Variants in FMNL2 observed in about 807,000 individuals in gnomAD.
The protein encoded by FMNL2 is formin like 2.
A neutral mutation model predicts 130.2 loss-of-function variants in FMNL2; 51 were observed. That is an observed-to-expected ratio of 0.39 (90% CI 0.31 to 0.49). The LOEUF (loss-of-function observed/expected upper bound fraction) is 0.49. Ranked by LOEUF, FMNL2 falls within the 20% of genes least tolerant of loss-of-function variation. The pLI, the probability that FMNL2 is intolerant of heterozygous loss-of-function variation, is 0.85. For synonymous variants in FMNL2, 465 were observed against 467.1 expected (o/e 1.00, Z 0.06); for missense variants, 977 against 1,316.2 (o/e 0.74, Z 3.99).
At chr2:152,360,059 A>G (rs1054503024) in intron 1 of FMNL2, among the ~76,000 whole-genome samples, 5 of 152,210 alleles carry the variant, frequency 3.3e-5, no homozygotes, top group African/African-American at 7.2e-5. Flanking sequence ...TGTAAACCAC[A>G]AAGGATGGCT....
chr2:152,494,573 C>G (rs1349519264), intron 1 of FMNL2, among the ~76,000 whole-genome samples: 1 of 152,158 alleles, frequency 6.6e-6, no homozygotes, highest in Non-Finnish European at 1.5e-5. Flanking sequence ...GAGTTTCTCT[C>G]CTTCCAGAGA....
At chr2:152,546,844 C>T (rs933837636) in intron 3 of FMNL2, among the ~76,000 whole-genome samples, 3 of 152,090 alleles carry the variant, frequency 2.0e-5, no homozygotes, top group African/African-American at 7.2e-5. Flanking sequence ...CTGCTCCATT[C>T]TACTGACTCT....
At chr2:152,580,251 T>C (rs554195870) in intron 8 of FMNL2, among the ~76,000 whole-genome samples, 2 of 152,350 alleles carry the variant, frequency 1.3e-5, no homozygotes, top group South Asian at 4.1e-4. Flanking sequence ...GTCTTATGAT[T>C]GAAGAAACAA....
At chr2:152,574,434 C>CAAAA (rs57776446) in intron 6 of FMNL2, among the ~76,000 whole-genome samples, 28 of 106,856 alleles carry the variant, frequency 2.6e-4, no homozygotes, top group African/African-American at 7.8e-4. Flanking sequence ...GACTCTGTCT[C>CAAAA]AAAAAAAAAA....
intron 21 of FMNL2, among the ~76,000 whole-genome samples, chr2:152,633,555 G>A (rs563507379): frequency 6.6e-6 from 1 of 152,284 alleles, no homozygotes; most frequent in East Asian, 1.9e-4. Context: ...AAGCTGTGGT[G>A]GAGACTGAGA....
At chr2:152,405,396 C>T (rs1377012147) in intron 1 of FMNL2, among the ~76,000 whole-genome samples, 1 of 152,194 alleles carries the variant, frequency 6.6e-6, no homozygotes, top group African/African-American at 2.4e-5. Context: ...CAGAATGACT[C>T]ATGTCCCCAA....
At chr2:152,399,914 G>A (rs1685595107) in intron 1 of FMNL2, among the ~76,000 whole-genome samples, 1 of 152,186 alleles carries the variant, frequency 6.6e-6, no homozygotes, top group Non-Finnish European at 1.5e-5. Context: ...AGGTGGGGAG[G>A]AAGTGGAATG....
chr2:152,605,929 T>C (rs1040565716), intron 9 of FMNL2, among the ~76,000 whole-genome samples: 14 of 152,314 alleles, frequency 9.2e-5, no homozygotes, highest in African/African-American at 2.9e-4. Flanking sequence ...AAGTCATTCA[T>C]CGTTTTGTGA....
At chr2:152,344,961 C>G (rs571035451) in intron 1 of FMNL2, among the ~76,000 whole-genome samples, 1 of 152,264 alleles carries the variant, frequency 6.6e-6, no homozygotes, top group South Asian at 2.1e-4. Flanking sequence ...GCTGATTGTT[C>G]TCAATGCAAG....
At chr2:152,457,462 C>T (rs1047688626) in intron 1 of FMNL2, among the ~76,000 whole-genome samples, 1 of 152,194 alleles carries the variant, frequency 6.6e-6, no homozygotes, top group African/African-American at 2.4e-5. Context: ...TGGTGCCTAA[C>T]TATCCCTTCT....
chr2:152,614,806 C>G (rs749450649), intron 11 of FMNL2, 45 bp from the exon 12 acceptor site: 2 of 1,539,496 alleles, frequency 1.3e-6, no homozygotes, highest in Admixed American at 4.5e-5. Context: ...TGTTCTATTT[C>G]CATAGATGAG....
chr2:152,394,015 G>C (rs1002480936), intron 1 of FMNL2, among the ~76,000 whole-genome samples: 1 of 152,180 alleles, frequency 6.6e-6, no homozygotes, highest in African/African-American at 2.4e-5. Context: ...CGGTGGGCTG[G>C]ATTTGATTAG....
At chr2:152,354,603 C>G (rs1032890308) in intron 1 of FMNL2, among the ~76,000 whole-genome samples, 1 of 152,064 alleles carries the variant, frequency 6.6e-6, no homozygotes, top group East Asian at 1.9e-4. Flanking sequence ...AGGCTAGTCC[C>G]AAATCAAATA....
chr2:152,625,251 T>C (rs1021201390), intron 15 of FMNL2, 187 bp from the exon 16 acceptor site: 45 of 541,536 alleles, frequency 8.3e-5, no homozygotes, highest in African/African-American at 7.8e-4. Context: ...GTCAACCAAA[T>C]GATGACCTCA....
At chr2:152,345,186 T>C (rs1682044403) in intron 1 of FMNL2, among the ~76,000 whole-genome samples, 1 of 152,154 alleles carries the variant, frequency 6.6e-6, no homozygotes, top group East Asian at 1.9e-4. Context: ...TAAAACTTTC[T>C]AATAATAGGG....
intron 20 of FMNL2, among the ~76,000 whole-genome samples, chr2:152,630,944 T>TGG (rs913419731): frequency 1.1e-4 from 17 of 152,294 alleles, no homozygotes; most frequent in African/African-American, 4.1e-4. Context: ...CCCTTATCCA[T>TGG]GGGGGCTGTG....
At chr2:152,370,693 A>G (rs1683825403) in intron 1 of FMNL2, among the ~76,000 whole-genome samples, 1 of 152,216 alleles carries the variant, frequency 6.6e-6, no homozygotes, top group Admixed American at 6.5e-5. Context: ...TGTGAAGGAC[A>G]AAGTAAAGAA....
intron 1 of FMNL2, among the ~76,000 whole-genome samples, chr2:152,427,445 G>A (rs568859116): frequency 6.6e-6 from 1 of 152,282 alleles, no homozygotes; most frequent in South Asian, 2.1e-4. Flanking sequence ...TACTCGAGAG[G>A]CTGAGGCAGG....
chr2:152,603,423 A>AGAG (rs761748694), intron 9 of FMNL2, among the ~76,000 whole-genome samples: 1 of 139,804 alleles, frequency 7.2e-6, no homozygotes, highest in African/African-American at 2.7e-5. Flanking sequence ...TTTTAAGATT[A>AGAG]GAGGTATTTC....
Sources: allele counts gnomAD v4.1 joint callset (sites outside exome capture counted in the v4.1 genomes callset), GRCh38; gene constraint gnomAD v4.1.1; transcripts MANE v1.5; gene names NCBI Gene and HGNC (gene_info 2026-07-23, HGNC 2026-07-21).